The following INPP4B variants were observed in gnomAD, a reference collection of about 807,000 sequenced individuals.
INPP4B encodes the protein inositol polyphosphate 4-phosphatase type II.
A neutral mutation model predicts 122.5 loss-of-function variants in INPP4B; 55 were observed. That is an observed-to-expected ratio of 0.45 (90% CI 0.36 to 0.56). The LOEUF (loss-of-function observed/expected upper bound fraction) is 0.56. Among genes scored for constraint, INPP4B ranks in the 20% least tolerant of loss-of-function variants. The probability of loss-of-function intolerance (pLI) is 0.00; values close to 1 mark genes in which losing one functional copy is unlikely to be tolerated. For missense variants in INPP4B, 1,000 were observed against 1,097.7 expected (o/e 0.91, Z 1.26); for synonymous variants, 403 against 388.7 (o/e 1.04, Z -0.43).
At chr4:142,271,893 T>C (rs766569658) in intron 9 of INPP4B, among the ~76,000 whole-genome samples, 1 of 152,224 alleles carries the variant, frequency 6.6e-6, no homozygotes. Context: ...CACTTTAAGA[T>C]TCTCTAGTTT....
intron 7 of INPP4B, among the ~76,000 whole-genome samples, chr4:142,348,557 C>T (rs1781003633): frequency 6.6e-6 from 1 of 151,950 alleles, no homozygotes; most frequent in Non-Finnish European, 1.5e-5. Flanking sequence ...CTTCTCTAAC[C>T]TCTTTTCTTC....
chr4:142,741,624 T>A (rs1486909968), intron 1 of INPP4B, among the ~76,000 whole-genome samples: 1 of 151,930 alleles, frequency 6.6e-6, no homozygotes, highest in African/African-American at 2.4e-5. Context: ...AAATTAAAAA[T>A]TAAATAAATA....
chr4:142,620,128 T>G (rs1475723665), intron 2 of INPP4B, among the ~76,000 whole-genome samples: 1 of 151,986 alleles, frequency 6.6e-6, no homozygotes, highest in African/African-American at 2.4e-5. Context: ...AGAACTACCA[T>G]TCGGCCCAAC....
chr4:142,144,427 T>A (rs1018436170), intron 18 of INPP4B, among the ~76,000 whole-genome samples: 4 of 152,114 alleles, frequency 2.6e-5, no homozygotes, highest in Non-Finnish European at 1.5e-5. Flanking sequence ...CTAAAATGAA[T>A]TCTTCTTACC....
chr4:142,274,391 C>G (rs1430429181), intron 9 of INPP4B, among the ~76,000 whole-genome samples: 1 of 151,660 alleles, frequency 6.6e-6, no homozygotes, highest in East Asian at 1.9e-4. Context: ...GCACTCAAAC[C>G]CCATGCTCTA....
intron 1 of INPP4B, among the ~76,000 whole-genome samples, chr4:142,798,960 T>A (rs1189581073): frequency 6.6e-6 from 1 of 151,760 alleles, no homozygotes; most frequent in Non-Finnish European, 1.5e-5. Flanking sequence ...AGCAGTAGGA[T>A]GGGGACCATG....
intron 12 of INPP4B, among the ~76,000 whole-genome samples, chr4:142,219,168 A>G (rs1239619796): frequency 6.6e-6 from 1 of 152,226 alleles, no homozygotes; most frequent in Non-Finnish European, 1.5e-5. Context: ...AAGTTAAAAT[A>G]ACTGCTTATT....
At chr4:142,097,636 C>T (rs1415386309) in intron 23 of INPP4B, among the ~76,000 whole-genome samples, 1 of 152,086 alleles carries the variant, frequency 6.6e-6, no homozygotes, top group African/African-American at 2.4e-5. Context: ...GCCCACAATG[C>T]TAGAATTATT....
chr4:142,123,790 C>T (rs1186539694), intron 19 of INPP4B, among the ~76,000 whole-genome samples: 1 of 152,070 alleles, frequency 6.6e-6, no homozygotes, highest in Non-Finnish European at 1.5e-5. Flanking sequence ...ATTAAAAGAA[C>T]ACAATGACGA....
At chr4:142,115,327 C>T (rs761905744) in intron 21 of INPP4B, among the ~76,000 whole-genome samples, 1 of 152,086 alleles carries the variant, frequency 6.6e-6, no homozygotes, top group Non-Finnish European at 1.5e-5. Context: ...AAAGATATTC[C>T]TCGAGAAGAG....
At chr4:142,524,625 A>G (rs1263847674) in intron 2 of INPP4B, among the ~76,000 whole-genome samples, 1 of 152,186 alleles carries the variant, frequency 6.6e-6, no homozygotes, top group Non-Finnish European at 1.5e-5. Flanking sequence ...AAACAGAGCC[A>G]AAGACAAAAA....
chr4:142,774,497 G>A (rs1773554862), intron 1 of INPP4B, among the ~76,000 whole-genome samples: 1 of 151,990 alleles, frequency 6.6e-6, no homozygotes, highest in Non-Finnish European at 1.5e-5. Context: ...TCTGCCACTG[G>A]AAACTAAAGT....
intron 2 of INPP4B, among the ~76,000 whole-genome samples, chr4:142,724,421 C>T (rs1332758416): frequency 2.6e-5 from 4 of 152,016 alleles, no homozygotes; most frequent in Admixed American, 2.0e-4. Flanking sequence ...TTTACTGTGC[C>T]ATCTTCCATT....
intron 2 of INPP4B, among the ~76,000 whole-genome samples, chr4:142,494,586 C>A (rs1186946650): frequency 6.6e-6 from 1 of 152,104 alleles, no homozygotes; most frequent in African/African-American, 2.4e-5. Context: ...TGCATACATT[C>A]ATTAAATATA....
At chr4:142,297,744 C>T (rs541348247) in intron 9 of INPP4B, among the ~76,000 whole-genome samples, 9 of 152,222 alleles carry the variant, frequency 5.9e-5, no homozygotes, top group African/African-American at 2.2e-4. Flanking sequence ...GCAAATGCAG[C>T]CTAACACACC....
intron 7 of INPP4B, among the ~76,000 whole-genome samples, chr4:142,344,715 A>T (rs1257658017): frequency 2.6e-5 from 4 of 151,990 alleles, no homozygotes; most frequent in Non-Finnish European, 4.4e-5. Flanking sequence ...GGCCTATCAG[A>T]GGGTGGAGAG....
Position 142,237,982 on chromosome 4 carries a change from T to G in INPP4B, c.718A>C (p.Arg240=). The G allele has an allele frequency of 6.4e-7, 1 of 1,557,452 alleles. No homozygotes were observed. Among genetic ancestry groups the G allele is most frequent in the Non-Finnish European group, 8.8e-7 (1 of 1,134,048 alleles). ...CACTTATTGTCAGATGTGGGAAATC[T>G]ATATAATTTACATACTGGGTTCTTT... ...VLKNPVCKLY[R]FPTSDNKWMR... is the part of the protein sequence containing the mutation. The change falls in exon 12 of 26, where the codon AGA becomes CGA. Residue 240 remains arginine, a synonymous_variant. Coordinates refer to ENST00000262992, the MANE Select transcript of INPP4B (RefSeq NM_001101669.3).
intron 7 of INPP4B, among the ~76,000 whole-genome samples, chr4:142,366,409 GC>G (rs575727256): frequency 6.6e-6 from 1 of 151,752 alleles, no homozygotes; most frequent in Non-Finnish European, 1.5e-5. Context: ...AGAATAAATG[GC>G]TCTAATAAAA....
chr4:142,320,385 G>C (rs1431071364), intron 7 of INPP4B, among the ~76,000 whole-genome samples: 2 of 152,150 alleles, frequency 1.3e-5, no homozygotes, highest in Non-Finnish European at 2.9e-5. Context: ...TGGTAATTTT[G>C]GGAACGATCT....
Sources: allele counts gnomAD v4.1 joint callset (sites outside exome capture counted in the v4.1 genomes callset), GRCh38; gene constraint gnomAD v4.1.1; transcripts MANE v1.5; gene names NCBI Gene and HGNC (gene_info 2026-07-23, HGNC 2026-07-21).